ACTN1: variants seen among roughly 807,000 people sequenced by gnomAD.
ACTN1 encodes actinin alpha 1, also known as alpha-actinin-1.
Under a neutral mutation model 119.6 loss-of-function variants are expected in ACTN1, and 30 were observed. That is an observed-to-expected ratio of 0.25 (90% confidence interval 0.19 to 0.34). ACTN1 has a LOEUF of 0.34. Ranked by LOEUF, ACTN1 falls within the 10% of genes least tolerant of loss-of-function variation. The pLI is 1.00. For missense variants in ACTN1, 764 were observed against 1,223.4 expected (o/e 0.62, Z 5.60); for synonymous variants, 429 against 472.6 (o/e 0.91, Z 1.20).
intron 6 of ACTN1, among the ~76,000 whole-genome samples, chr14:68,905,564 G>A (rs2033615286): frequency 1.3e-5 from 2 of 152,180 alleles, no homozygotes; most frequent in South Asian, 4.1e-4. Context: ...ACCCATTGAT[G>A]GATGAACGGA....
chr14:68,939,939 CG>C (rs1566659499), intron 1 of ACTN1, among the ~76,000 whole-genome samples: 1 of 152,186 alleles, frequency 6.6e-6, no homozygotes, highest in South Asian at 2.1e-4. Context: ...AGAGCCCTCT[CG>C]GGGGACTGAT....
rs1250738745 is a variant in ACTN1, at chr14:68,889,333, A to C, written c.1234+806T>G. Among the ~76,000 whole-genome samples, 3 of 152,378 alleles carry C rather than the reference A, an allele frequency of 2.0e-5. No individual in the cohort carries two copies. In the South Asian group the frequency reaches 6.2e-4, roughly 32 times the overall value. ...GGAAATAGAGGAAAAAGAGCTGAAG[A>C]GATGAAAACCACAAGCATGCAATGT... On this transcript the variant is annotated intron_variant, in intron 11 of 21. Coordinates refer to ENST00000394419, the MANE Select transcript of ACTN1 (RefSeq NM_001130004.2).
chr14:68,936,059 A>G (rs2035487948), intron 1 of ACTN1, among the ~76,000 whole-genome samples: 1 of 152,194 alleles, frequency 6.6e-6, no homozygotes, highest in Admixed American at 6.5e-5. Context: ...CAGCTCTGCT[A>G]GCGCAAACAA....
intron 6 of ACTN1, among the ~76,000 whole-genome samples, chr14:68,905,999 A>C (rs2033645021): frequency 6.6e-6 from 1 of 151,470 alleles, no homozygotes; most frequent in African/African-American, 2.4e-5. Flanking sequence ...AAAAAAAAAA[A>C]CAGCAAACAC....
intron 7 of ACTN1, 30 bp from the exon 8 acceptor site, chr14:68,902,592 G>A: frequency 6.2e-7 from 1 of 1,600,964 alleles, no homozygotes. Flanking sequence ...GTTAAAGCCA[G>A]CTGGTTCCAA....
chr14:68,941,980 G>A (rs2268983), intron 1 of ACTN1, among the ~76,000 whole-genome samples: 95,381 of 151,990 alleles, frequency 0.63, 31,236 homozygotes, highest in African/African-American at 0.8. Context: ...ACAACCACCC[G>A]GCAGCAGCCA....
intron 10 of ACTN1, 70 bp from the exon 11 acceptor site, chr14:68,890,356 A>C (rs1420467975): frequency 4.5e-6 from 7 of 1,562,606 alleles, no homozygotes; most frequent in Non-Finnish European, 6.1e-6. Flanking sequence ...AGCCCCCTAG[A>C]CCCCTGAAGG....
chr14:68,933,589 A>G (rs578261727), intron 1 of ACTN1, among the ~76,000 whole-genome samples: 4 of 152,204 alleles, frequency 2.6e-5, no homozygotes, highest in South Asian at 4.1e-4. Context: ...CGGCCTCTGT[A>G]TCACGGCAGG....
intron 1 of ACTN1, among the ~76,000 whole-genome samples, chr14:68,971,033 T>C (rs930517366): frequency 6.6e-6 from 1 of 152,238 alleles, no homozygotes; most frequent in Non-Finnish European, 1.5e-5. Flanking sequence ...CACAATGAGT[T>C]GTTCTCTTAT....
rs114310834 is a variant in ACTN1, at chr14:68,939,288, C to G, written c.106-13616G>C. 6.6e-3 allele frequency among the ~76,000 whole-genome samples: 1,002 copies of G among 152,312 alleles called. 9 individuals carry two copies. The highest frequency in any genetic ancestry group is 0.023 in the African/African-American group (943 of 41,564). ...GTCAACTGCCTCAGCCAATCTGTCA[C>G]CATCCACAGCCTCACCCCTCCCAGG... On this transcript the variant is annotated intron_variant, in intron 1 of 21. Coordinates refer to ENST00000394419, the MANE Select transcript of ACTN1 (RefSeq NM_001130004.2).
intron 1 of ACTN1, among the ~76,000 whole-genome samples, chr14:68,974,440 TAGA>T (rs1053332823): frequency 4.6e-5 from 7 of 152,138 alleles, no homozygotes; most frequent in Middle Eastern, 6.8e-3. Context: ...TAAACTATAA[TAGA>T]AGAATGATAA....
intron 7 of ACTN1, among the ~76,000 whole-genome samples, chr14:68,903,125 T>A (rs974267601): frequency 7.9e-5 from 12 of 152,156 alleles, no homozygotes; most frequent in African/African-American, 2.4e-4. Flanking sequence ...TTTAAGATAC[T>A]TCAACAAAGA....
Position 68,878,962 on chromosome 14 carries a change from A to C in ACTN1, c.2361+27T>G, listed in dbSNP as rs1188033425. On this transcript the variant is annotated intron_variant, in intron 19 of 21. Transcript: ENST00000394419. This position sits in a 1 kb window ranked among gnomAD's most constrained non-coding sequence, Gnocchi z 4.4. ...TTTCTTGCCCCAGACGCCACCCCTG[A>C]GCGTGCTCCATGCAGGAGGCGAGTA... 6.2e-7 allele frequency: 1 copy of C among 1,613,076 alleles called. No individual in the cohort carries two copies. The highest frequency in any genetic ancestry group is 8.5e-7 in the Non-Finnish European group (1 of 1,179,780).
chr14:68,907,598 C>A (rs970693963), intron 6 of ACTN1, among the ~76,000 whole-genome samples: 1 of 151,984 alleles, frequency 6.6e-6, no homozygotes, highest in African/African-American at 2.4e-5. Flanking sequence ...CAAAAAAACA[C>A]AGAAGGAGAG....
Position 68,885,262 on chromosome 14 carries a change from C to G in ACTN1, c.1385+163G>C, listed in dbSNP as rs927234243. On this transcript the variant is annotated intron_variant, in intron 12 of 21. Transcript: ENST00000394419. This position sits in a 1 kb window ranked among gnomAD's most constrained non-coding sequence, Gnocchi z 5.6. ...GCAGTGGTCCCGGGCTCCTTCCCCA[C>G]CAGGAGAGATATTTGTCTCCTGCGT... 8.5e-5 allele frequency among the ~76,000 whole-genome samples: 13 copies of G among 152,108 alleles called. No individual in the cohort carries two copies. Among genetic ancestry groups the G allele is most frequent in the African/African-American group, 3.1e-4 (13 of 41,408 alleles).
intron 1 of ACTN1, chr14:68,936,673 CGGGTGAAGTCCTG>C (rs749943128): frequency 1.3e-5 from 8 of 624,576 alleles, no homozygotes; most frequent in Middle Eastern, 4.7e-4. Context: ...GGAGCCTGGC[CGGGTGAAGTCCTG>C]GGCAAGAAGC....
chr14:68,888,132 GCTGACAGCCTT>G, intron 11 of ACTN1: 1 of 579,788 alleles, frequency 1.7e-6, no homozygotes, highest in Non-Finnish European at 3.2e-6. Context: ...GCCGCGGCAT[GCTGACAGCCTT>G]TGCGAAACTG....
rs549695801 is a variant in ACTN1 at position 68,879,904 on chromosome 14, A to G, written c.2280+58T>C. 1.2e-5 allele frequency: 19 copies of G among 1,590,058 alleles called. No homozygotes were observed. The African/African-American group carries it at 1.3e-4, about 11-fold the overall frequency. ...CCCACGTCCCGGGGAAGTGCCCTCC[A>G]GGGCCCTGGGGCAGGGGTTGGGGGC... On this transcript the variant is annotated intron_variant, in intron 18 of 21. Coordinates refer to ENST00000394419, the MANE Select transcript of ACTN1 (RefSeq NM_001130004.2). This position sits in a 1 kb window ranked among gnomAD's most constrained non-coding sequence, Gnocchi z 4.9.
chr14:68,901,176 C>T (rs1416235771), intron 8 of ACTN1, among the ~76,000 whole-genome samples: 9 of 146,644 alleles, frequency 6.1e-5, no homozygotes, highest in Admixed American at 2.0e-4. Context: ...AGGGCAGGGG[C>T]TCCCATCATG....
Sources: allele counts gnomAD v4.1 joint callset (sites outside exome capture counted in the v4.1 genomes callset), GRCh38; gene constraint gnomAD v4.1.1; non-coding constraint Gnocchi (gnomAD v3.1); transcripts MANE v1.5; gene names NCBI Gene and HGNC (gene_info 2026-07-23, HGNC 2026-07-21).